CSMD1: variants seen among roughly 807,000 people sequenced by gnomAD.
CSMD1 encodes the protein CUB and Sushi multiple domains 1.
A neutral mutation model predicts 417.5 loss-of-function variants in CSMD1; 213 were observed. The observed-to-expected ratio is 0.51, with a 90% confidence interval of 0.46 to 0.57. The LOEUF is 0.57. Ranked by LOEUF, CSMD1 falls within the 20% of genes least tolerant of loss-of-function variation. The pLI, the probability that CSMD1 is intolerant of heterozygous loss-of-function variation, is 0.00. For missense variants in CSMD1, 6,923 were observed against 4,529.7 expected, an observed-to-expected ratio of 1.53 and a Z score of -15.17; for synonymous variants, 2,862 against 1,736.8, an observed-to-expected ratio of 1.65 and a Z score of -16.11.
chr8:4,783,927 G>A (rs918589578), intron 1 of CSMD1, among the ~76,000 whole-genome samples: 1 of 152,168 alleles, frequency 6.6e-6, no homozygotes, highest in Non-Finnish European at 1.5e-5. Context: ...AATAAAAGTT[G>A]GCTCAATATA....
Position 3,284,349 on chromosome 8 carries a change from G to A in CSMD1, c.3951-3C>T, listed in dbSNP as rs376080441. On this transcript the variant is annotated splice_polypyrimidine_tract_variant and splice_region_variant and intron_variant, in intron 25 of 69. Transcript: ENST00000635120. ...TGTCGAAAACAATGAAATGGAGGCT[G>A]CAAGAGAGAACACAGTAGCGCTACT... The A allele has an allele frequency of 1.9e-6, 3 of 1,611,016 alleles. No individual in the cohort carries two copies. Among genetic ancestry groups the A allele is most frequent in the African/African-American group, 2.7e-5 (2 of 74,866 alleles).
chr8:4,140,443 A>G (rs1224449043), intron 3 of CSMD1, among the ~76,000 whole-genome samples: 1 of 150,948 alleles, frequency 6.6e-6, no homozygotes, highest in Non-Finnish European at 1.5e-5. Context: ...GGTTGCCGTG[A>G]GCCAAGATCA....
At chr8:4,959,565 T>C (rs1585410304) in intron 1 of CSMD1, among the ~76,000 whole-genome samples, 1 of 152,234 alleles carries the variant, frequency 6.6e-6, no homozygotes, top group Non-Finnish European at 1.5e-5. Context: ...GGCACTATAA[T>C]TATCACCCGA....
At chr8:3,587,361 C>A (rs1025291275) in intron 8 of CSMD1, among the ~76,000 whole-genome samples, 2 of 152,088 alleles carry the variant, frequency 1.3e-5, no homozygotes, top group African/African-American at 4.8e-5. Context: ...CGCATTGTTA[C>A]AAGAGGAAAT....
intron 4 of CSMD1, among the ~76,000 whole-genome samples, chr8:4,022,184 G>C (rs374734514): frequency 1.4e-3 from 163 of 118,064 alleles, no homozygotes; most frequent in African/African-American, 4.4e-3. Context: ...ATATTTATGT[G>C]TATATATATA....
intron 7 of CSMD1, among the ~76,000 whole-genome samples, chr8:3,629,475 G>T (rs1355334163): frequency 6.6e-6 from 1 of 152,060 alleles, no homozygotes; most frequent in East Asian, 1.9e-4. Context: ...TAATGACATG[G>T]AATACACAAT....
intron 1 of CSMD1, among the ~76,000 whole-genome samples, chr8:4,800,438 CAA>C (rs11463488): frequency 6.3e-4 from 73 of 114,986 alleles, no homozygotes; most frequent in Non-Finnish European, 5.2e-4. Flanking sequence ...GACTTCATCT[CAA>C]AAAAAAAAAA....
At chr8:4,576,270 G>T (rs546823335) in intron 2 of CSMD1, among the ~76,000 whole-genome samples, 2 of 152,278 alleles carry the variant, frequency 1.3e-5, no homozygotes, top group South Asian at 2.1e-4. Flanking sequence ...AAAGCACAAG[G>T]CTTCCTCTTG....
At chr8:4,206,231 C>T (rs1799969216) in intron 3 of CSMD1, among the ~76,000 whole-genome samples, 2 of 152,026 alleles carry the variant, frequency 1.3e-5, no homozygotes, top group African/African-American at 4.8e-5. Context: ...TTCTAGAGTA[C>T]ATGTGCACAA....
At chr8:3,761,247 G>A (rs988055088) in intron 5 of CSMD1, among the ~76,000 whole-genome samples, 7 of 152,082 alleles carry the variant, frequency 4.6e-5, no homozygotes, top group African/African-American at 1.2e-4. Flanking sequence ...AGGTCTATGT[G>A]TGTGTGTATA....
intron 27 of CSMD1, among the ~76,000 whole-genome samples, chr8:3,226,875 TA>T (rs1798535404): frequency 1.3e-5 from 2 of 150,578 alleles, no homozygotes; most frequent in South Asian, 4.2e-4. Flanking sequence ...TAATAAAAAG[TA>T]AAAAAGTAAA....
intron 7 of CSMD1, among the ~76,000 whole-genome samples, chr8:3,687,165 C>T (rs76649806): frequency 0.025 from 3,880 of 152,316 alleles, 178 homozygotes; most frequent in African/African-American, 0.088. Flanking sequence ...CACCTCTGAA[C>T]GCACCTCCGT....
intron 3 of CSMD1, among the ~76,000 whole-genome samples, chr8:4,127,754 G>A (rs1345235030): frequency 6.6e-6 from 1 of 152,160 alleles, no homozygotes; most frequent in Non-Finnish European, 1.5e-5. Flanking sequence ...CAGCTACCAA[G>A]TCTTGACATA....
chr8:4,409,455 A>T (rs1011055961), intron 3 of CSMD1, among the ~76,000 whole-genome samples: 1 of 152,298 alleles, frequency 6.6e-6, no homozygotes. Context: ...ACAACAAAAA[A>T]CAGCAAGAAT....
rs1355850841 is a variant in CSMD1 at position 4,092,339 on chromosome 8, G to A, written c.416-60240C>T. Among the ~76,000 whole-genome samples the A allele has an allele frequency of 2.6e-5, 4 of 152,274 alleles. No individual in the cohort carries two copies. In the South Asian group the frequency reaches 6.2e-4, roughly 24 times the overall value. On this transcript the variant is annotated intron_variant, in intron 3 of 69. Transcript: ENST00000635120. The stretch of plus-strand genomic sequence containing the variant: ...GTCCTTTCCTGTGTCTGATGCTCCA[G>A]GAGAATCATGACGTGACACTTCAGC...
chr8:3,632,521 T>G (rs576753201), intron 7 of CSMD1, among the ~76,000 whole-genome samples: 1 of 152,170 alleles, frequency 6.6e-6, no homozygotes, highest in Admixed American at 6.5e-5. Context: ...GCGTTGAAGA[T>G]GAGTATTGGT....
chr8:4,428,716 G>T (rs912035208), intron 2 of CSMD1, among the ~76,000 whole-genome samples: 7 of 152,098 alleles, frequency 4.6e-5, no homozygotes, highest in African/African-American at 1.7e-4. Context: ...TGGTTATTTT[G>T]TGTATTATTT....
chr8:4,853,719 A>G (rs1801620419), intron 1 of CSMD1, among the ~76,000 whole-genome samples: 1 of 152,198 alleles, frequency 6.6e-6, no homozygotes, highest in African/African-American at 2.4e-5. Context: ...TAGATCTAAC[A>G]GCATCATGCA....
chr8:4,795,406 G>A (rs1180265529), intron 1 of CSMD1, among the ~76,000 whole-genome samples: 2 of 151,134 alleles, frequency 1.3e-5, no homozygotes, highest in South Asian at 2.1e-4. Context: ...CGAGTAGCTG[G>A]GATTACAGGT....
Sources: allele counts gnomAD v4.1 joint callset (sites outside exome capture counted in the v4.1 genomes callset), GRCh38; gene constraint gnomAD v4.1.1; transcripts MANE v1.5; gene names NCBI Gene and HGNC (gene_info 2026-07-23, HGNC 2026-07-21).